The following ACTR3C variants were observed in gnomAD, a reference collection of about 807,000 sequenced individuals.
The protein encoded by ACTR3C is actin related protein 3C, also known as actin-related protein 3C.
Under a neutral mutation model 26.3 loss-of-function variants are expected in ACTR3C, and 18 were observed. That is an observed-to-expected ratio of 0.68 (90% CI 0.47 to 1.01). The LOEUF is 1.01. Among genes scored for constraint, ACTR3C ranks in the 50% least tolerant of loss-of-function variants. ACTR3C has a pLI of 0.00. For synonymous variants in ACTR3C, 55 were observed against 94.5 expected (o/e 0.58, Z 2.42); for missense variants, 184 against 250.7 (o/e 0.73, Z 1.80).
chr7:150,038,791 C>G, the ACTR3C span, among the ~76,000 whole-genome samples: 1 of 135,802 alleles, frequency 7.4e-6, no homozygotes, highest in South Asian at 2.2e-4. Flanking sequence ...TCTCAGTCCC[C>G]GCCTCGCGGG....
chr7:150,201,354 A>C, the ACTR3C span, among the ~76,000 whole-genome samples: 1 of 152,210 alleles, frequency 6.6e-6, no homozygotes, highest in Non-Finnish European at 1.5e-5. Flanking sequence ...TCCAATGTGG[A>C]ATGATGCACA....
At chr7:150,013,705 C>T in the ACTR3C span, among the ~76,000 whole-genome samples, 1 of 152,206 alleles carries the variant, frequency 6.6e-6, no homozygotes, top group Admixed American at 6.5e-5. Flanking sequence ...CTGGAGCTGT[C>T]CCCATAACCA....
At chr7:150,311,390 A>T (rs1415166302) in intron 1 of ACTR3C, among the ~76,000 whole-genome samples, 2 of 152,306 alleles carry the variant, frequency 1.3e-5, no homozygotes, top group African/African-American at 4.8e-5. Flanking sequence ...CTGCTTTAAT[A>T]CGTCTAGAGG....
the ACTR3C span, among the ~76,000 whole-genome samples, chr7:150,081,947 T>C: frequency 6.6e-6 from 1 of 151,946 alleles, no homozygotes; most frequent in East Asian, 1.9e-4. Context: ...TCAGCCTTGC[T>C]TTTAATGAGT....
chr7:150,121,417 A>G, the ACTR3C span, among the ~76,000 whole-genome samples: 1 of 151,326 alleles, frequency 6.6e-6, no homozygotes, highest in Non-Finnish European at 1.5e-5. Flanking sequence ...AAAAATGCAC[A>G]AGCATTCCTA....
the ACTR3C span, among the ~76,000 whole-genome samples, chr7:149,915,284 T>G: frequency 0.033 from 5,001 of 152,058 alleles, 269 homozygotes; most frequent in African/African-American, 0.11. Flanking sequence ...ACTAAATGAA[T>G]AGACAGAAAT....
At chr7:149,985,065 G>A in the ACTR3C span, among the ~76,000 whole-genome samples, 1 of 152,100 alleles carries the variant, frequency 6.6e-6, no homozygotes. Context: ...CTAAGAGTTA[G>A]TCATATCCTC....
At chr7:150,281,064 T>C (rs1289855563) in intron 6 of ACTR3C, among the ~76,000 whole-genome samples, 4 of 151,964 alleles carry the variant, frequency 2.6e-5, no homozygotes, top group Non-Finnish European at 4.4e-5. Context: ...GCTGACCAAA[T>C]GAGGCTGTGG....
chr7:150,058,199 A>C, the ACTR3C span, among the ~76,000 whole-genome samples: 1 of 152,226 alleles, frequency 6.6e-6, no homozygotes, highest in Admixed American at 6.5e-5. Flanking sequence ...AACACTGAGA[A>C]AAGCTTGACA....
the ACTR3C span, among the ~76,000 whole-genome samples, chr7:150,079,365 G>A: frequency 1.6e-4 from 25 of 152,284 alleles, no homozygotes; most frequent in South Asian, 2.7e-3. Context: ...CCACTAAATG[G>A]AGAAAGTGGT....
At chr7:150,262,982 C>A (rs1434110506) in intron 6 of ACTR3C, among the ~76,000 whole-genome samples, 2 of 152,208 alleles carry the variant, frequency 1.3e-5, no homozygotes, top group Non-Finnish European at 2.9e-5. Context: ...GCAGCAAAGA[C>A]GTTCAAAGAA....
the ACTR3C span, among the ~76,000 whole-genome samples, chr7:150,110,825 GGCA>G: frequency 2.2e-3 from 290 of 132,852 alleles, 2 homozygotes; most frequent in African/African-American, 8.5e-3. Context: ...GGGCAAGGCT[GGCA>G]GGGGGGTGGG....
chr7:150,003,193 T>C, the ACTR3C span: 1 of 152,410 alleles, frequency 6.6e-6, no homozygotes, highest in East Asian at 1.9e-4. Context: ...GTGTGGTGTA[T>C]GGTATACAGT....
the ACTR3C span, among the ~76,000 whole-genome samples, chr7:149,970,826 A>G: frequency 1.3e-5 from 2 of 152,222 alleles, no homozygotes; most frequent in Non-Finnish European, 2.9e-5. Flanking sequence ...TACACCATGA[A>G]TAGCCGTTTC....
the ACTR3C span, among the ~76,000 whole-genome samples, chr7:150,223,486 G>T: frequency 4.0e-4 from 60 of 150,438 alleles, no homozygotes; most frequent in Non-Finnish European, 7.6e-4. Context: ...TTTTTTGTTT[G>T]TTTGTTTGTT....
chr7:149,913,732 C>T, the ACTR3C span, among the ~76,000 whole-genome samples: 2 of 150,894 alleles, frequency 1.3e-5, no homozygotes, highest in Non-Finnish European at 3.0e-5. Context: ...AACTACGCCA[C>T]ATGAAGTCAC....
chr7:149,929,529 CTTTTTTTTTTT>C, the ACTR3C span, among the ~76,000 whole-genome samples: 182 of 109,162 alleles, frequency 1.7e-3, 2 homozygotes, highest in African/African-American at 5.9e-3. Context: ...CCACAAATGA[CTTTTTTTTTTT>C]TTTTTTTTTT....
the ACTR3C span, among the ~76,000 whole-genome samples, chr7:150,043,230 A>C: frequency 6.6e-6 from 1 of 151,048 alleles, no homozygotes; most frequent in African/African-American, 2.4e-5. Context: ...TCATACCCAC[A>C]GTCCTCCAGG....
the ACTR3C span, among the ~76,000 whole-genome samples, chr7:149,940,902 C>G: frequency 6.6e-6 from 1 of 151,414 alleles, no homozygotes; most frequent in East Asian, 1.9e-4. Context: ...TGAGCCAGGC[C>G]ACACACAGGC....
Sources: gnomAD v4.1 joint callset for allele counts (sites outside exome capture counted in the v4.1 genomes callset) on GRCh38, gnomAD v4.1.1 for gene constraint, MANE v1.5 for transcripts, NCBI Gene and HGNC (gene_info 2026-07-23, HGNC 2026-07-21) for gene names.